EDIL3: variants seen among roughly 807,000 people sequenced by gnomAD.
EDIL3 encodes the protein EGF-like repeat and discoidin I-like domain-containing protein 3.
Under a neutral mutation model 67.4 loss-of-function variants are expected in EDIL3, and 37 were observed. The ratio of observed to expected loss-of-function variants is 0.55; its 90% CI spans 0.42 to 0.72. The LOEUF is 0.72. Ranked by LOEUF, EDIL3 falls within the 30% of genes least tolerant of loss-of-function variation. EDIL3 has a pLI of 0.00. For synonymous variants in EDIL3, 195 were observed against 196.3 expected, an observed-to-expected ratio of 0.99 and a Z score of 0.05; for missense variants, 527 against 586.3, an observed-to-expected ratio of 0.90 and a Z score of 1.04.
At chr5:84,122,576 A>G (rs1747795927) in intron 5 of EDIL3, among the ~76,000 whole-genome samples, 1 of 151,894 alleles carries the variant, frequency 6.6e-6, no homozygotes, top group Non-Finnish European at 1.5e-5. Flanking sequence ...TAACTCCCCT[A>G]AAGTCTTACA....
chr5:84,063,962 T>G (rs998789544), intron 8 of EDIL3, among the ~76,000 whole-genome samples: 4 of 152,192 alleles, frequency 2.6e-5, no homozygotes, highest in Admixed American at 6.5e-5. Flanking sequence ...TACAATTTTC[T>G]ATTTCATTCA....
chr5:84,055,682 T>C (rs896105257), intron 9 of EDIL3, among the ~76,000 whole-genome samples: 5 of 152,180 alleles, frequency 3.3e-5, no homozygotes, highest in African/African-American at 1.2e-4. Context: ...AGAAGACATT[T>C]ATGCAGACAA....
chr5:83,946,872 A>G (rs1744319992), intron 10 of EDIL3, among the ~76,000 whole-genome samples: 1 of 151,898 alleles, frequency 6.6e-6, no homozygotes, highest in African/African-American at 2.4e-5. Context: ...GTTTGTAAAA[A>G]TGTGCTTCTT....
chr5:84,096,035 C>A, intron 6 of EDIL3, among the ~76,000 whole-genome samples: 1 of 152,166 alleles, frequency 6.6e-6, no homozygotes. Flanking sequence ...GTTTGGGAAA[C>A]ACTGCCTAGA....
chr5:84,141,569 AAAG>A (rs1436355646), intron 4 of EDIL3, among the ~76,000 whole-genome samples: 1 of 148,052 alleles, frequency 6.8e-6, no homozygotes, highest in Admixed American at 6.8e-5. Flanking sequence ...GTGGAAGAAG[AAAG>A]AAGAAGAAAG....
At chr5:83,962,999 C>G (rs1037853062) in intron 10 of EDIL3, among the ~76,000 whole-genome samples, 10 of 151,502 alleles carry the variant, frequency 6.6e-5, no homozygotes, top group Non-Finnish European at 1.2e-4. Context: ...ATCAGTAAAG[C>G]AATTTTTTTC....
At chr5:84,348,307 A>G (rs551581035) in intron 1 of EDIL3, among the ~76,000 whole-genome samples, 1 of 152,218 alleles carries the variant, frequency 6.6e-6, no homozygotes, top group South Asian at 2.1e-4. Flanking sequence ...TTGTTCCAGG[A>G]AAAGCCTTTA....
At chr5:84,064,920 CTT>C (rs755700967) in intron 7 of EDIL3, 76 bp from the exon 8 acceptor site, 4 of 1,444,748 alleles carry the variant, frequency 2.8e-6, no homozygotes, top group Non-Finnish European at 3.7e-6. Flanking sequence ...CTATCTATAC[CTT>C]ATCGAAAATA....
chr5:84,314,464 T>G (rs970482529), intron 1 of EDIL3, among the ~76,000 whole-genome samples: 2 of 152,224 alleles, frequency 1.3e-5, no homozygotes, highest in African/African-American at 2.4e-5. Flanking sequence ...AATGAATGCA[T>G]GCAAAGGAAA....
chr5:84,384,172 G>C (rs1748165230), intron 1 of EDIL3, 136 bp downstream of exon 1: 2 of 1,096,974 alleles, frequency 1.8e-6, no homozygotes, highest in Non-Finnish European at 2.6e-6. Flanking sequence ...CCCAGGACTC[G>C]ACGCCTCCTC....
Position 83,950,654 on chromosome 5 carries a change from G to C in EDIL3, c.1294-7086C>G, listed in dbSNP as rs537730621. On this transcript the variant is annotated intron_variant, in intron 10 of 10. Coordinates refer to ENST00000296591, the MANE Select transcript of EDIL3 (RefSeq NM_005711.5). ...TTCTACTCTCTCTATTTTACTTGCT[G>C]TTCTTATTTTCAATTTCTGGATGAT... Among the ~76,000 whole-genome samples the C allele has an allele frequency of 6.6e-5, 10 of 151,854 alleles. No homozygotes were observed. The East Asian group carries it at 1.2e-3, about 18-fold the overall frequency.
intron 4 of EDIL3, among the ~76,000 whole-genome samples, chr5:84,152,906 A>G (rs1485928204): frequency 6.6e-6 from 1 of 152,226 alleles, no homozygotes; most frequent in African/African-American, 2.4e-5. Context: ...GAATATAAAA[A>G]TACATATTTT....
intron 1 of EDIL3, among the ~76,000 whole-genome samples, chr5:84,281,085 C>CATT (rs1745691196): frequency 6.6e-6 from 1 of 151,758 alleles, no homozygotes; most frequent in Non-Finnish European, 1.5e-5. Context: ...AATAAATGAC[C>CATT]ATTATTATTA....
At chr5:84,292,431 T>C (rs1056062635) in intron 1 of EDIL3, among the ~76,000 whole-genome samples, 1 of 152,198 alleles carries the variant, frequency 6.6e-6, no homozygotes, top group African/African-American at 2.4e-5. Flanking sequence ...ATTCACTTTT[T>C]ATAAATGCAC....
chr5:84,015,571 C>T (rs1246333255), intron 9 of EDIL3, among the ~76,000 whole-genome samples: 1 of 151,928 alleles, frequency 6.6e-6, no homozygotes. Flanking sequence ...ACAAAACTCT[C>T]AGTATTATAT....
intron 9 of EDIL3, among the ~76,000 whole-genome samples, chr5:83,965,097 C>T (rs1744666980): frequency 6.6e-6 from 1 of 151,972 alleles, no homozygotes. Flanking sequence ...CAAAGGTGCA[C>T]CATAGAGATT....
intron 4 of EDIL3, among the ~76,000 whole-genome samples, chr5:84,162,516 G>A (rs137956052): frequency 4.6e-5 from 7 of 152,200 alleles, no homozygotes; most frequent in Non-Finnish European, 5.9e-5. Flanking sequence ...GATGTGCTTT[G>A]TGGGCTCTTT....
At chr5:83,987,616 A>G (rs1218575584) in intron 9 of EDIL3, among the ~76,000 whole-genome samples, 1 of 152,104 alleles carries the variant, frequency 6.6e-6, no homozygotes, top group African/African-American at 2.4e-5. Flanking sequence ...TCTGCGGCTT[A>G]TATTTCAAAC....
intron 9 of EDIL3, among the ~76,000 whole-genome samples, chr5:83,987,843 G>A (rs1417472858): frequency 7.1e-6 from 1 of 141,786 alleles, no homozygotes; most frequent in Non-Finnish European, 1.5e-5. Flanking sequence ...AAATCATTTT[G>A]CAGCTGATAG....
Sources: allele counts gnomAD v4.1 joint callset (sites outside exome capture counted in the v4.1 genomes callset), GRCh38; gene constraint gnomAD v4.1.1; transcripts MANE v1.5; gene names NCBI Gene and HGNC (gene_info 2026-07-23, HGNC 2026-07-21).